CHRNA1: variants seen among roughly 807,000 people sequenced by gnomAD.
CHRNA1 encodes acetylcholine receptor subunit alpha.
Under a neutral mutation model 47.1 loss-of-function variants are expected in CHRNA1, and 35 were observed. The observed-to-expected ratio is 0.74, with a 90% confidence interval of 0.57 to 0.99. The LOEUF is 0.99. Ranked by LOEUF, CHRNA1 falls within the 50% of genes least tolerant of loss-of-function variation. The probability of loss-of-function intolerance (pLI) is 0.00; values close to 1 mark genes in which losing one functional copy is unlikely to be tolerated. For missense variants in CHRNA1, 506 were observed against 591.1 expected (o/e 0.86, Z 1.49); for synonymous variants, 229 against 223.6 (o/e 1.02, Z -0.22).
At chr2:174,754,450 T>A in intron 4 of CHRNA1, 36 bp from the exon 5 acceptor site, 1 of 1,581,934 alleles carries the variant, frequency 6.3e-7, no homozygotes, top group Non-Finnish European at 8.7e-7. Context: ...TGGCTCCAAG[T>A]GACAGATGAG....
intron 6 of CHRNA1, among the ~76,000 whole-genome samples, chr2:174,751,677 T>C (rs1051513614): frequency 6.6e-6 from 1 of 151,432 alleles, no homozygotes; most frequent in African/African-American, 2.4e-5. Flanking sequence ...TTTCTTTCTT[T>C]TTTTCTTCTT....
chr2:174,760,703 T>C (rs56237080), intron 1 of CHRNA1, among the ~76,000 whole-genome samples: 2 of 152,336 alleles, frequency 1.3e-5, no homozygotes, highest in South Asian at 2.1e-4. Context: ...GTTAAAATGG[T>C]AAATTTTATG....
intron 1 of CHRNA1, among the ~76,000 whole-genome samples, chr2:174,761,789 A>G (rs758928901): frequency 3.9e-5 from 6 of 152,174 alleles, no homozygotes; most frequent in Non-Finnish European, 8.8e-5. Context: ...GGACTTGATA[A>G]TCCTTCTGTC....
In CHRNA1 at chr2:174,759,929, T is replaced by TACACACACACAC. The variant is rs5836472; in HGVS notation, c.44-308_44-297dup. Among the ~76,000 whole-genome samples the TACACACACACAC allele has an allele frequency of 6.0e-3, 865 of 144,072 alleles. 10 individuals carry two copies. Among genetic ancestry groups the TACACACACACAC allele is most frequent in the African/African-American group, 0.021 (797 of 37,828 alleles). 94.5% of individuals were successfully genotyped at this position (144,072 alleles called of 152,430 possible). On this transcript the variant is annotated intron_variant, in intron 1 of 8. Coordinates refer to ENST00000348749, the MANE Select transcript of CHRNA1 (RefSeq NM_000079.4). ...GCCTGGCTGAATCAAGTTTGCCAGG[T>TACACACACACAC]ACACACACACACACACACACACACA...
intron 4 of CHRNA1, among the ~76,000 whole-genome samples, chr2:174,757,320 T>C (rs1380315095): frequency 8.3e-6 from 1 of 120,624 alleles, no homozygotes; most frequent in African/African-American, 3.8e-5. Flanking sequence ...TTTAGAGTGA[T>C]TTTTTTTTTT....
chr2:174,754,287 C>T lies in CHRNA1; in HGVS notation c.472G>A (p.Asp158Asn). The T allele has an allele frequency of 1.9e-6, 3 of 1,614,176 alleles. No homozygotes were observed. The highest frequency in any genetic ancestry group is 2.5e-6 in the Non-Finnish European group (3 of 1,180,040). ...CEIIVTHFPF[D>N]EQNCSMKLGT... is the part of the protein sequence containing the mutation. Reference sequence around the variant, plus strand: ...AGCTTCATGCTGCAGTTCTGTTCATCAAAGGGAAAGTGGGTGACGATGATC... The same window carrying T: ...AGCTTCATGCTGCAGTTCTGTTCATTAAAGGGAAAGTGGGTGACGATGATC... The change falls in exon 5 of 9, where the codon GAT (aspartate) becomes AAT (asparagine). Residue 158 changes from aspartate (D) to asparagine (N), a missense_variant. Asp to Asn is a conservative substitution (Grantham distance 23, BLOSUM62 1). Coordinates refer to ENST00000348749, the MANE Select transcript of CHRNA1 (RefSeq NM_000079.4).
chr2:174,764,326 T>G (rs1317732903), intron 1 of CHRNA1, 26 bp downstream of exon 1: 24 of 1,610,614 alleles, frequency 1.5e-5, no homozygotes, highest in Non-Finnish European at 2.0e-5. Flanking sequence ...GAGAGCCCTC[T>G]CCCCACCCCT....
chr2:174,755,995 C>T (rs551981574), intron 4 of CHRNA1, among the ~76,000 whole-genome samples: 199 of 149,454 alleles, frequency 1.3e-3, no homozygotes, highest in African/African-American at 4.8e-3. Flanking sequence ...ATGATCACAC[C>T]ACAACACTCC....
At chr2:174,752,295 G>T (rs1222741754) in intron 6 of CHRNA1, among the ~76,000 whole-genome samples, 1 of 152,092 alleles carries the variant, frequency 6.6e-6, no homozygotes, top group East Asian at 1.9e-4. Flanking sequence ...TGCAGGGCAG[G>T]CACAGTGGCT....
chr2:174,756,672 T>C (rs1683985652), intron 4 of CHRNA1, among the ~76,000 whole-genome samples: 1 of 152,224 alleles, frequency 6.6e-6, no homozygotes, highest in Admixed American at 6.5e-5. Context: ...TCGGATAATT[T>C]GGCTCAAGCT....
intron 1 of CHRNA1, among the ~76,000 whole-genome samples, chr2:174,763,256 T>C (rs957673015): frequency 6.6e-6 from 1 of 152,202 alleles, no homozygotes; most frequent in African/African-American, 2.4e-5. Flanking sequence ...TAAGGATGTT[T>C]ACATTAAAGC....
chr2:174,757,672 A>T lies in CHRNA1; in HGVS notation c.238T>A (p.Trp80Arg). 1.2e-6 allele frequency: 2 copies of T among 1,613,436 alleles called. No individual in the cohort carries two copies. Among genetic ancestry groups the T allele is most frequent in the Non-Finnish European group, 1.7e-6 (2 of 1,179,370 alleles). ...VTTNVRLKQQ[W>R]VDYNLKWNPD... ...TTCCATTTTAGGTTGTAATCCACCC[A>T]TTGCTAGAAACAAAGACATACAGCT... Residue 80 changes from tryptophan (W) to arginine (R), a missense_variant, in exon 4 of 9, where the codon TGG (tryptophan) becomes AGG (arginine). Transcript: ENST00000348749.
At chr2:174,753,775 A>G (rs538172926) in intron 5 of CHRNA1, 35 bp from the exon 6 acceptor site, 1 of 1,606,324 alleles carries the variant, frequency 6.2e-7, no homozygotes, top group Non-Finnish European at 8.5e-7. Flanking sequence ...AATCCCAGGC[A>G]GGTCACCCTG....
At position 174,759,559 on chromosome 2, in the gene CHRNA1, G is replaced by A. The variant is rs774423842; in HGVS notation, c.118C>T (p.Arg40Trp). Residue 40 changes from arginine (R) to tryptophan (W), a missense_variant, in exon 2 of 9, where the codon CGG (arginine) becomes TGG (tryptophan). Arg to Trp is a moderately radical substitution (Grantham distance 101). Coordinates refer to ENST00000348749, the MANE Select transcript of CHRNA1 (RefSeq NM_000079.4). ...KLFKDYSSVV[R>W]PVEDHRQVVE... ...ACCTGGCGGTGGTCTTCCACTGGCC[G>A]CACCACGCTGCTGTAGTCTTTAAAT... is the stretch of plus-strand genomic sequence containing the variant. 9.9e-6 allele frequency: 16 copies of A among 1,613,808 alleles called. No homozygotes were observed. The highest frequency in any genetic ancestry group is 6.7e-5 in the East Asian group (3 of 44,870).
chr2:174,749,995 G>T lies in CHRNA1; in HGVS notation c.953C>A (p.Thr318Lys). The change falls in exon 7 of 9, where the codon ACA becomes AAA. Residue 318 changes from threonine (T) to lysine (K), a missense_variant. By Grantham distance (78) the Thr-to-Lys change is moderately conservative. Coordinates refer to ENST00000348749, the MANE Select transcript of CHRNA1 (RefSeq NM_000079.4). Reference protein sequence around the residue: ...SIIITVIVINTHHRSPSTHVM... With the variant: ...SIIITVIVINKHHRSPSTHVM... Reference sequence around the variant, plus strand: ...ATGGGTGCTGGGTGAGCGGTGGTGTGTGTTGATGACGATGACAGTGATGAT... The same window carrying T: ...ATGGGTGCTGGGTGAGCGGTGGTGTTTGTTGATGACGATGACAGTGATGAT... 6.2e-7 allele frequency: 1 copy of T among 1,614,164 alleles called. No individual in the cohort carries two copies. Among genetic ancestry groups the T allele is most frequent in the Non-Finnish European group, 8.5e-7 (1 of 1,180,026 alleles).
Position 174,748,811 on chromosome 2 carries a change from G to C in CHRNA1, c.1011C>G (p.Ile337Met), listed in dbSNP as rs778575658. 4 of 1,613,796 alleles carry C rather than the reference G, an allele frequency of 2.5e-6. No homozygotes were observed. In the African/African-American group the frequency reaches 5.3e-5, roughly 22 times the overall value. ...AAAACATGATATTTGGGATAGTGTC[G>C]ATAAAAACCTAACATAAAAAAGAAA... ...VMPNWVRKVF[I>M]DTIPNIMFFS... Residue 337 changes from isoleucine (I) to methionine (M), a missense_variant, in exon 8 of 9, where the codon ATC (isoleucine) becomes ATG (methionine). Coordinates refer to ENST00000348749, the MANE Select transcript of CHRNA1 (RefSeq NM_000079.4).
In CHRNA1 at chr2:174,751,825, C is replaced by T. The variant is rs578075115; in HGVS notation, c.779-1656G>A. 3.3e-5 allele frequency among the ~76,000 whole-genome samples: 5 copies of T among 151,848 alleles called. No individual in the cohort carries two copies. In the East Asian group the frequency reaches 9.7e-4, roughly 30 times the overall value. ...TCCCAAGTAATTGGGATTACAGGCA[C>T]GTGCCACCACACCTGGCTAATTTTT... On this transcript the variant is annotated intron_variant, in intron 6 of 8. Transcript: ENST00000348749.
chr2:174,754,403 T>C lies in CHRNA1; in HGVS notation c.356A>G (p.Asp119Gly). The C allele has an allele frequency of 9.9e-6, 16 of 1,614,078 alleles. No individual in the cohort carries two copies. Among genetic ancestry groups the C allele is most frequent in the Non-Finnish European group, 1.4e-5 (16 of 1,180,026 alleles). Residue 119 changes from aspartate (D) to glycine (G), a missense_variant, in exon 5 of 9, where the codon GAC becomes GGC. Physicochemically the swap from Asp to Gly is moderately conservative, Grantham distance 94 (BLOSUM62 -1). Transcript: ENST00000348749. Reference protein sequence around the residue: ...DLVLYNNADGDFAIVKFTKVL... With the variant: ...DLVLYNNADGGFAIVKFTKVL... ...TTTGGTGAACTTGACAATAGCAAAG[T>C]CACCATCTGCACTACAATTGGGATA... is the stretch of plus-strand genomic sequence containing the variant.
chr2:174,763,050 GC>G (rs869088615), intron 1 of CHRNA1, among the ~76,000 whole-genome samples: 1 of 151,078 alleles, frequency 6.6e-6, no homozygotes, highest in African/African-American at 2.4e-5. Context: ...GTGACCTTGG[GC>G]AGGTCAGCTT....
Sources: allele counts gnomAD v4.1 joint callset (sites outside exome capture counted in the v4.1 genomes callset), GRCh38; gene constraint gnomAD v4.1.1; transcripts MANE v1.5; gene names NCBI Gene and HGNC (gene_info 2026-07-23, HGNC 2026-07-21).